TRAK1: variants seen among roughly 807,000 people sequenced by gnomAD.
The protein encoded by TRAK1 is trafficking kinesin-binding protein 1.
In TRAK1, 33 loss-of-function variants were observed where a neutral mutation model predicts 92.1. That is an observed-to-expected ratio of 0.36 (90% CI 0.27 to 0.48). The LOEUF is 0.48. TRAK1 is among the 20% of genes least tolerant of loss of function. The pLI is 0.99. For synonymous variants in TRAK1, 521 were observed against 517.3 expected (o/e 1.01, Z -0.10); for missense variants, 1,123 against 1,257.9 (o/e 0.89, Z 1.62).
intron 13 of TRAK1, among the ~76,000 whole-genome samples, chr3:42,209,527 A>G (rs1437743544): frequency 6.6e-6 from 1 of 152,140 alleles, no homozygotes. Context: ...TTTAAAAAAA[A>G]AATGGTTGAT....
intron 2 of TRAK1, among the ~76,000 whole-genome samples, chr3:42,157,457 C>CAAAAAAAAAAAAAAAAAAAAAAAA (rs60622565): frequency 3.2e-5 from 1 of 31,112 alleles, no homozygotes; most frequent in Non-Finnish European, 5.4e-5. Flanking sequence ...GACCCTGTCT[C>CAAAAAAAAAAAAAAAAAAAAAAAA]AAAAAAAAAA....
chr3:42,070,306 T>G (rs1225245465), intron 1 of TRAK1, among the ~76,000 whole-genome samples: 1 of 148,946 alleles, frequency 6.7e-6, no homozygotes, highest in East Asian at 1.9e-4. Context: ...TTATAAATAA[T>G]TAATATAATT....
chr3:42,050,501 A>G (rs963116673), intron 1 of TRAK1, among the ~76,000 whole-genome samples: 2 of 152,118 alleles, frequency 1.3e-5, no homozygotes, highest in South Asian at 2.1e-4. Context: ...CTTAGAGTTC[A>G]TCGCTTTTCC....
intron 1 of TRAK1, among the ~76,000 whole-genome samples, chr3:42,113,588 A>AT (rs1708777733): frequency 6.6e-6 from 1 of 151,750 alleles, no homozygotes; most frequent in African/African-American, 2.4e-5. Flanking sequence ...TGATTTTTGT[A>AT]TTTTTTAGTA....
intron 2 of TRAK1, among the ~76,000 whole-genome samples, chr3:42,127,347 C>CTT (rs71741232): frequency 3.2e-4 from 41 of 127,826 alleles, no homozygotes; most frequent in African/African-American, 4.8e-4. Context: ...CATTCATACA[C>CTT]TTTTTTTTTT....
At chr3:42,174,451 A>G (rs572867254) in intron 2 of TRAK1, among the ~76,000 whole-genome samples, 1 of 152,116 alleles carries the variant, frequency 6.6e-6, no homozygotes, top group East Asian at 1.9e-4. Context: ...GCAGAATGTT[A>G]CCATTGGGGG....
Position 42,193,160 on chromosome 3 carries a change from A to G in TRAK1, c.855A>G (p.Thr285=). Residue 285 remains threonine, a synonymous_variant, in exon 8 of 16, where the codon ACA becomes ACG. Transcript: ENST00000327628. ...EDAARQQEEI[T]HLLSQIVDLQ... ...CTGCCCGCCAGCAAGAGGAGATCAC[A>G]CACCTGCTATCGCAAATAGTTGATT... is the stretch of plus-strand genomic sequence containing the variant. 2.5e-6 allele frequency: 4 copies of G among 1,614,236 alleles called. No homozygotes were observed. The highest frequency in any genetic ancestry group is 2.2e-5 in the East Asian group (1 of 44,886).
chr3:42,022,995 A>G (rs1170046945), intron 1 of TRAK1, among the ~76,000 whole-genome samples: 1 of 151,808 alleles, frequency 6.6e-6, no homozygotes, highest in Non-Finnish European at 1.5e-5. Flanking sequence ...TGTCTCCACT[A>G]AAAATACAAA....
chr3:42,139,993 G>A (rs1698451802), intron 2 of TRAK1, among the ~76,000 whole-genome samples: 1 of 152,176 alleles, frequency 6.6e-6, no homozygotes, highest in African/African-American at 2.4e-5. Context: ...GCTGGCAGGA[G>A]GCAGACTCAG....
intron 1 of TRAK1, among the ~76,000 whole-genome samples, chr3:42,110,089 T>TTTATATA (rs1708146758): frequency 9.6e-6 from 1 of 103,760 alleles, no homozygotes; most frequent in African/African-American, 3.6e-5. Context: ...ACCCTAGAAC[T>TTTATATA]TAAAGTATAT....
intron 1 of TRAK1, among the ~76,000 whole-genome samples, chr3:42,054,961 C>T (rs1218559200): frequency 2.5e-5 from 3 of 118,450 alleles, no homozygotes; most frequent in African/African-American, 6.7e-5. Context: ...CACTCTGTCA[C>T]CCAGGCTGGA....
chr3:42,111,233 C>T (rs56366987), intron 1 of TRAK1, among the ~76,000 whole-genome samples: 1 of 152,088 alleles, frequency 6.6e-6, no homozygotes, highest in Non-Finnish European at 1.5e-5. Context: ...CTCTTAACCT[C>T]CAAGCTGTCC....
At chr3:42,017,152 G>A (rs1022731039) in intron 1 of TRAK1, among the ~76,000 whole-genome samples, 3 of 152,168 alleles carry the variant, frequency 2.0e-5, no homozygotes, top group African/African-American at 4.8e-5. Context: ...TCCCAGCGAC[G>A]TGGGAGGCTG....
intron 1 of TRAK1, among the ~76,000 whole-genome samples, chr3:42,112,735 CAAAAAAAA>C (rs774716012): frequency 1.8e-5 from 1 of 54,692 alleles, no homozygotes; most frequent in African/African-American, 5.1e-5. Context: ...GACTCTGTCT[CAAAAAAAA>C]AAAAAAAAAA....
At chr3:42,138,257 T>C (rs939056035) in intron 2 of TRAK1, among the ~76,000 whole-genome samples, 3 of 152,218 alleles carry the variant, frequency 2.0e-5, no homozygotes, top group African/African-American at 4.8e-5. Flanking sequence ...GATATAGATA[T>C]GTACAAGGCT....
chr3:42,032,888 A>G (rs1702202530), intron 1 of TRAK1, among the ~76,000 whole-genome samples: 1 of 152,104 alleles, frequency 6.6e-6, no homozygotes, highest in Non-Finnish European at 1.5e-5. Flanking sequence ...CGCCACCTGC[A>G]CTCCAGCGTG....
chr3:42,044,625 T>C (rs1702684320), intron 1 of TRAK1, among the ~76,000 whole-genome samples: 1 of 152,222 alleles, frequency 6.6e-6, no homozygotes, highest in African/African-American at 2.4e-5. Flanking sequence ...TCTGTGCCAC[T>C]TGCCAGCTGT....
intron 2 of TRAK1, among the ~76,000 whole-genome samples, chr3:42,149,779 G>A (rs181791823): frequency 6.6e-6 from 1 of 152,258 alleles, no homozygotes; most frequent in African/African-American, 2.4e-5. Flanking sequence ...GGTGGGCAGG[G>A]CTCTTTACCG....
chr3:42,220,439 G>A, intron 15 of TRAK1: 6 of 978,334 alleles, frequency 6.1e-6, no homozygotes, highest in Non-Finnish European at 7.3e-6. Context: ...GGAAGGTAAA[G>A]CAGAAGGGGT....
Sources: allele counts gnomAD v4.1 joint callset (sites outside exome capture counted in the v4.1 genomes callset), GRCh38; gene constraint gnomAD v4.1.1; transcripts MANE v1.5; gene names NCBI Gene and HGNC (gene_info 2026-07-23, HGNC 2026-07-21).